Variants in DENND4C observed in about 807,000 individuals in gnomAD.
The protein encoded by DENND4C is DENN domain containing 4C.
DENND4C carries 108 observed loss-of-function variants against 203.0 expected under a neutral mutation model. That is an observed-to-expected ratio of 0.53 (90% CI 0.46 to 0.62). DENND4C has a LOEUF of 0.62. DENND4C is among the 20% of genes least tolerant of loss of function. The probability of loss-of-function intolerance (pLI) is 0.00; values close to 1 mark genes in which losing one functional copy is unlikely to be tolerated. For synonymous variants in DENND4C, 871 were observed against 792.4 expected (o/e 1.10, Z -1.67); for missense variants, 2,481 against 2,301.2 (o/e 1.08, Z -1.60).
intron 10 of DENND4C, among the ~76,000 whole-genome samples, chr9:19,310,353 A>G (rs1016683013): frequency 2.0e-4 from 31 of 152,234 alleles, no homozygotes; most frequent in Non-Finnish European, 3.7e-4. Flanking sequence ...GTTTGTCATA[A>G]AGTATGATTA....
intron 2 of DENND4C, among the ~76,000 whole-genome samples, chr9:19,280,053 A>G (rs879799576): frequency 1.3e-5 from 2 of 152,112 alleles, no homozygotes; most frequent in Non-Finnish European, 2.9e-5. Flanking sequence ...TGAAGGGATG[A>G]TGTTAACAGC....
At chr9:19,275,399 T>A (rs1279914460) in intron 1 of DENND4C, among the ~76,000 whole-genome samples, 1 of 151,602 alleles carries the variant, frequency 6.6e-6, no homozygotes, top group African/African-American at 2.4e-5. Context: ...GTCGAGCGAT[T>A]CTCATGCCCC....
intron 1 of DENND4C, among the ~76,000 whole-genome samples, chr9:19,267,186 G>C (rs1830679471): frequency 1.3e-5 from 2 of 152,292 alleles, no homozygotes; most frequent in East Asian, 1.9e-4. Context: ...TGGAAGATCT[G>C]TCCAGTGCTG....
chr9:19,323,711 C>T (rs1332002675), intron 12 of DENND4C, among the ~76,000 whole-genome samples: 3 of 152,158 alleles, frequency 2.0e-5, no homozygotes, highest in Non-Finnish European at 4.4e-5. Context: ...AGGACATTGA[C>T]TCTTTGGAAA....
chr9:19,354,169 T>C (rs1371808891), intron 26 of DENND4C, among the ~76,000 whole-genome samples: 1 of 152,240 alleles, frequency 6.6e-6, no homozygotes, highest in East Asian at 1.9e-4. Flanking sequence ...ATTCCTTTTC[T>C]TCTACAGGAA....
At chr9:19,319,363 C>G (rs1436767665) in intron 12 of DENND4C, among the ~76,000 whole-genome samples, 1 of 133,064 alleles carries the variant, frequency 7.5e-6, no homozygotes, top group African/African-American at 3.0e-5. Flanking sequence ...TATATATACA[C>G]ACATATATAT....
At chr9:19,296,359 C>T in intron 6 of DENND4C, 113 bp downstream of exon 6, 2 of 672,516 alleles carry the variant, frequency 3.0e-6, no homozygotes, top group Non-Finnish European at 4.9e-6. Context: ...CTGCATTTAA[C>T]TGAACTTTTT....
Position 19,290,113 on chromosome 9 carries a change from A to T in DENND4C, c.629-591A>T, listed in dbSNP as rs193250237. Among the ~76,000 whole-genome samples, 903 of 152,294 alleles carry T rather than the reference A, an allele frequency of 5.9e-3. 3 individuals carry two copies. The highest frequency in any genetic ancestry group is 0.01 in the Non-Finnish European group (707 of 68,018). ...GATGACCTTAGAGGCTAATGAACAG[A>T]TGCCATGTAGCTAATTTATTCTGTG... is the stretch of plus-strand genomic sequence containing the variant. On this transcript the variant is annotated intron_variant, in intron 4 of 32. Transcript: ENST00000434457.
At chr9:19,366,270 T>G (rs890081977) in intron 30 of DENND4C, among the ~76,000 whole-genome samples, 1 of 152,208 alleles carries the variant, frequency 6.6e-6, no homozygotes, top group African/African-American at 2.4e-5. Flanking sequence ...CTCACATGTA[T>G]GTATGGTCAG....
chr9:19,340,995 G>T lies in DENND4C; in HGVS notation c.2885G>T (p.Gly962Val). 6.3e-7 allele frequency: 1 copy of T among 1,599,514 alleles called. No individual in the cohort carries two copies. The highest frequency in any genetic ancestry group is 8.5e-7 in the Non-Finnish European group (1 of 1,175,236). Residue 962 changes from glycine (G) to valine (V), a missense_variant, in exon 21 of 33, where the codon GGT becomes GTT. Physicochemically the swap from Gly to Val is moderately radical, Grantham distance 109. Around this residue, in one of 3 missense-constraint regions of DENND4C, gnomAD observed 2,289 missense variants for 2,113.3 expected, o/e 1.08. Coordinates refer to ENST00000434457, the MANE Select transcript of DENND4C (RefSeq NM_001330640.2). ...ESIDNHSSTG[G>V]QSDQGYGSKD... ...AAGTCTGCATTCTTTTTAACAGGTG[G>T]TCAGTCTGACCAAGGATACGGGTCT...
rs151181067 is a variant in DENND4C, at chr9:19,291,636, C to T, written c.801+760C>T. ...ATGAGAATTGCTTGAACCCGGGAGA[C>T]AGAGGTTGCAATGAGCTGAGACTGC... is the stretch of plus-strand genomic sequence containing the variant. On this transcript the variant is annotated intron_variant, in intron 5 of 32. Transcript: ENST00000434457. 6.0e-3 allele frequency among the ~76,000 whole-genome samples: 894 copies of T among 148,548 alleles called. 5 individuals carry two copies. The highest frequency in any genetic ancestry group is 0.021 in the African/African-American group (856 of 40,226).
intron 1 of DENND4C, among the ~76,000 whole-genome samples, chr9:19,250,752 C>T (rs936150312): frequency 2.6e-5 from 4 of 152,168 alleles, no homozygotes; most frequent in African/African-American, 9.7e-5. Context: ...TGAAATCCAG[C>T]GGGGTGGTCA....
chr9:19,304,712 A>G (rs925771210), intron 9 of DENND4C, among the ~76,000 whole-genome samples: 1 of 130,750 alleles, frequency 7.6e-6, no homozygotes, highest in Admixed American at 7.6e-5. Context: ...AATTTTTTGT[A>G]CTTTTTTTTT....
At chr9:19,231,895 C>T (rs1564067811) in intron 1 of DENND4C, among the ~76,000 whole-genome samples, 1 of 151,916 alleles carries the variant, frequency 6.6e-6, no homozygotes, top group Non-Finnish European at 1.5e-5. Context: ...TTTTCCCTTC[C>T]GGTCTGTGTA....
At chr9:19,244,856 C>A (rs1359729845) in intron 1 of DENND4C, among the ~76,000 whole-genome samples, 4 of 152,012 alleles carry the variant, frequency 2.6e-5, no homozygotes, top group African/African-American at 9.7e-5. Context: ...GTCTAATTTT[C>A]CTCACAAAGG....
chr9:19,336,803 T>G lies in DENND4C; in HGVS notation c.2852T>G (p.Leu951Arg), dbSNP rs1006902017. Residue 951 changes from leucine (L) to arginine (R), a missense_variant, in exon 20 of 33, where the codon CTT (leucine) becomes CGT (arginine). Physicochemically the swap from Leu to Arg is moderately radical, Grantham distance 102. Coordinates refer to ENST00000434457, the MANE Select transcript of DENND4C (RefSeq NM_001330640.2). ...GTCTTCGTCAGAGATTTAATCAGGC[T>G]TGAGTCCATTGATAATCACTCTAGC... ...HTVFVRDLIR[L>R]ESIDNHSSTG... 3.9e-6 allele frequency: 6 copies of G among 1,550,704 alleles called. No individual in the cohort carries two copies. In the South Asian group the frequency reaches 4.8e-5, roughly 12 times the overall value.
chr9:19,282,344 C>T (rs1834229824), intron 2 of DENND4C, among the ~76,000 whole-genome samples: 1 of 151,026 alleles, frequency 6.6e-6, no homozygotes, highest in Admixed American at 6.6e-5. Flanking sequence ...CAGCCTCCAC[C>T]TCCTGGGCTC....
chr9:19,349,942 TTC>T (rs1444315522), intron 23 of DENND4C, among the ~76,000 whole-genome samples: 9 of 152,252 alleles, frequency 5.9e-5, no homozygotes, highest in South Asian at 4.1e-4. Flanking sequence ...TTTGATTATA[TTC>T]TCTGACTGTT....
chr9:19,366,052 G>T (rs1157453963), intron 30 of DENND4C, among the ~76,000 whole-genome samples: 1 of 152,124 alleles, frequency 6.6e-6, no homozygotes, highest in South Asian at 2.1e-4. Flanking sequence ...GCTTCTTTAC[G>T]TAAATTGACA....
Sources: allele counts gnomAD v4.1 joint callset (sites outside exome capture counted in the v4.1 genomes callset), GRCh38; gene constraint gnomAD v4.1.1; regional missense constraint gnomAD v4.1.1; transcripts MANE v1.5; gene names NCBI Gene and HGNC (gene_info 2026-07-23, HGNC 2026-07-21).